Variants in KAT2A observed in about 807,000 individuals in gnomAD.
The protein encoded by KAT2A is lysine acetyltransferase 2A.
In KAT2A, 42 loss-of-function variants were observed where a neutral mutation model predicts 95.2. The observed-to-expected ratio is 0.44, with a 90% CI of 0.34 to 0.57. The LOEUF is 0.57. Ranked by LOEUF, KAT2A falls within the 20% of genes least tolerant of loss-of-function variation. KAT2A has a pLI of 0.01. For synonymous variants in KAT2A, 449 were observed against 448.2 expected (o/e 1.00, Z -0.02); for missense variants, 784 against 1,126.3 (o/e 0.70, Z 4.35).
chr17:42,118,942 A>G, intron 6 of KAT2A: 1 of 951,916 alleles, frequency 1.1e-6, no homozygotes, highest in Non-Finnish European at 1.4e-6. Context: ...TTTCTTGGAG[A>G]GTTGTGCAGG....
chr17:42,115,450 C>G (rs1248597478), intron 12 of KAT2A, among the ~76,000 whole-genome samples: 3 of 142,048 alleles, frequency 2.1e-5, no homozygotes, highest in Admixed American at 7.0e-5. Flanking sequence ...GTGCCCCCCC[C>G]AGTTCCTCCG....
Position 42,119,113 on chromosome 17 carries a change from TAGACGCCC to T in KAT2A, c.1073+124_1073+131del, listed in dbSNP as rs1314779709. On this transcript the variant is annotated intron_variant, in intron 6 of 17. Coordinates refer to ENST00000225916, the MANE Select transcript of KAT2A (RefSeq NM_021078.3). The surrounding 1 kb of genome is among the most constrained non-coding windows in gnomAD (Gnocchi z 5.3). ...CTGGGCCATGGGCAAGTCTGCCAGGTAGACGCCCAGATCCCAAAAGGCCCATGGAGGGA... is the reference window on the plus strand; with the variant it reads ...CTGGGCCATGGGCAAGTCTGCCAGGTAGATCCCAAAAGGCCCATGGAGGGA... 8 of 1,500,698 alleles carry T rather than the reference TAGACGCCC, an allele frequency of 5.3e-6. No individual in the cohort carries two copies. The highest frequency in any genetic ancestry group is 6.2e-6 in the Non-Finnish European group (7 of 1,126,502). 93.0% of individuals were successfully genotyped at this position (1,500,698 alleles called of 1,614,324 possible).
chr17:42,115,891 G>C (rs1555665894), intron 11 of KAT2A, 58 bp from the exon 12 acceptor site: 2 of 962,662 alleles, frequency 2.1e-6, no homozygotes, highest in African/African-American at 1.6e-5. Flanking sequence ...GTGCTGGAGA[G>C]GTCTCAGAGA....
In KAT2A at chr17:42,117,193, G is replaced by C. The variant is rs781810522; in HGVS notation, c.1638-32C>G. On this transcript the variant is annotated intron_variant, in intron 10 of 17. Coordinates refer to ENST00000225916, the MANE Select transcript of KAT2A (RefSeq NM_021078.3). The surrounding 1 kb of genome is among the most constrained non-coding windows in gnomAD (Gnocchi z 8.9). Reference sequence around the variant, plus strand: ...GAGAGGGGGGCATGTCATAGCCCCTGACTGTCCCCTTCAGGTCCCCAGAGC... The same window carrying C: ...GAGAGGGGGGCATGTCATAGCCCCTCACTGTCCCCTTCAGGTCCCCAGAGC... 3 of 1,612,156 alleles carry C rather than the reference G, an allele frequency of 1.9e-6. No individual in the cohort carries two copies. Among genetic ancestry groups the C allele is most frequent in the South Asian group, 2.2e-5 (2 of 90,974 alleles).
chr17:42,118,926 G>T, intron 6 of KAT2A: 1 of 800,368 alleles, frequency 1.2e-6, no homozygotes, highest in South Asian at 4.1e-5. Flanking sequence ...CAAGCTTAAG[G>T]TCTGGTTTCT....
At chr17:42,118,937 T>G in intron 6 of KAT2A, 7 of 918,004 alleles carry the variant, frequency 7.6e-6, no homozygotes, top group Non-Finnish European at 9.9e-6. Context: ...TCTGGTTTCT[T>G]GGAGAGTTGT....
chr17:42,118,022 G>GTA lies in KAT2A; in HGVS notation c.1181-6_1181-5insTA. 6.9e-7 allele frequency: 1 copy of GTA among 1,459,770 alleles called. No homozygotes were observed. The highest frequency in any genetic ancestry group is 9.3e-7 in the Non-Finnish European group (1 of 1,076,844). 90.4% of individuals were successfully genotyped at this position (1,459,770 alleles called of 1,614,324 possible). ...CAACCGCTGCACTGACTGAAGCTGA[G>GTA]GAGAGAGAGAGACGTCAGGGATGGG... is the stretch of plus-strand genomic sequence containing the variant. On this transcript the variant is annotated splice_region_variant and splice_polypyrimidine_tract_variant and intron_variant, in intron 7 of 17. Coordinates refer to ENST00000225916, the MANE Select transcript of KAT2A (RefSeq NM_021078.3).
rs541331809 is a variant in KAT2A, at chr17:42,113,537, G to C, written c.*112C>G. 9.7e-7 allele frequency: 1 copy of C among 1,036,016 alleles called. No individual in the cohort carries two copies. The highest frequency in any genetic ancestry group is 1.5e-5 in the South Asian group (1 of 67,094). The allele number at this position is 1,036,016 out of a possible 1,614,324, so 64.2% of individuals were successfully genotyped here. ...CAGGATCGGGTCCGGAGGACCCTTGGCTGGAGTGTCTCAAGCTGAGTCGGG... is the reference window on the plus strand; with the variant it reads ...CAGGATCGGGTCCGGAGGACCCTTGCCTGGAGTGTCTCAAGCTGAGTCGGG... On this transcript the variant is annotated 3_prime_UTR_variant, in exon 18 of 18. Transcript: ENST00000225916.
In KAT2A at chr17:42,121,035, C is replaced by A; in HGVS notation, c.270G>T (p.Arg90Ser). 1 of 1,592,790 alleles carries A rather than the reference C, an allele frequency of 6.3e-7. No homozygotes were observed. Among genetic ancestry groups the A allele is most frequent in the Non-Finnish European group, 8.5e-7 (1 of 1,171,506 alleles). Residue 90 changes from arginine (R) to serine (S), a missense_variant, in exon 1 of 18, where the codon AGG (arginine) becomes AGT (serine). By Grantham distance (110) the Arg-to-Ser change is moderately radical. Coordinates refer to ENST00000225916, the MANE Select transcript of KAT2A (RefSeq NM_021078.3). ...GLSQQQRASQ[R>S]KAQVRGLPRA... ...GCGGCAGCCCCCGGACTTGCGCCTT[C>A]CTCTGACTGGCGCGCTGCTGCTGGC...
Position 42,113,698 on chromosome 17 carries a change from T to C in KAT2A, c.2465A>G (p.Glu822Gly). The change falls in exon 18 of 18, where the codon GAG becomes GGG. Residue 822 changes from glutamate to glycine, a missense_variant. Around this residue, in one of 6 missense-constraint regions of KAT2A, gnomAD observed 195 missense variants for 247.1 expected, o/e 0.79. Transcript: ENST00000225916. Reference sequence around the variant, plus strand: ...CTTGAGCTTGAAGTAGAAGAACTTCTCCAGGGCGCTGGCACAGCGGCAGTA... The same window carrying C: ...CTTGAGCTTGAAGTAGAAGAACTTCCCCAGGGCGCTGGCACAGCGGCAGTA... Reference protein sequence around the residue: ...SEYCRCASALEKFFYFKLKEG... With the variant: ...SEYCRCASALGKFFYFKLKEG... 1 of 1,611,410 alleles carries C rather than the reference T, an allele frequency of 6.2e-7. No individual in the cohort carries two copies. The highest frequency in any genetic ancestry group is 8.5e-7 in the Non-Finnish European group (1 of 1,179,166).
chr17:42,121,201 G>T lies in KAT2A; in HGVS notation c.104C>A (p.Ala35Asp). The change falls in exon 1 of 18, where the codon GCT becomes GAT. Residue 35 changes from alanine to aspartate, a missense_variant. Transcript: ENST00000225916. ...GGTGGGAGTCGGAATCGGGGCTGAA[G>T]CCGGGCTGGGTGCAGGAGTCGGAGT... ...APTPTPAPSP[A>D]SAPIPTPTPA... 1 of 1,360,640 alleles carries T rather than the reference G, an allele frequency of 7.3e-7. No individual in the cohort carries two copies. Among genetic ancestry groups the T allele is most frequent in the Non-Finnish European group, 9.8e-7 (1 of 1,024,262 alleles). The allele number at this position is 1,360,640 out of a possible 1,614,324, so 84.3% of individuals were successfully genotyped here. A position where few individuals can be genotyped will look rare whatever the true frequency, so the allele number is the denominator to read the frequency against.
rs782183686 is a variant in KAT2A at position 42,115,040 on chromosome 17, G to T, written c.1876-5C>A. On this transcript the variant is annotated splice_region_variant and splice_polypyrimidine_tract_variant and intron_variant, in intron 12 of 17. Transcript: ENST00000225916. ...CTTGATGTCCTTGGAGAAACCCTGGGGGGTGGATGGTCATGACCCAGTCCA... is the reference window on the plus strand; with the variant it reads ...CTTGATGTCCTTGGAGAAACCCTGGTGGGTGGATGGTCATGACCCAGTCCA... 10 of 1,613,196 alleles carry T rather than the reference G, an allele frequency of 6.2e-6. No homozygotes were observed. In the African/African-American group the frequency reaches 8.0e-5, roughly 13 times the overall value.
intron 6 of KAT2A, among the ~76,000 whole-genome samples, chr17:42,118,647 G>A (rs2054295554): frequency 6.6e-6 from 1 of 152,136 alleles, no homozygotes; most frequent in Non-Finnish European, 1.5e-5. Context: ...AGACAGGTCT[G>A]AGCTGATGTC....
In KAT2A at chr17:42,113,661, G is replaced by A. The variant is rs1555665126; in HGVS notation, c.2502C>T (p.Leu834=). The change falls in exon 18 of 18, where the codon CTC becomes CTT. Residue 834 remains leucine, a synonymous_variant. Coordinates refer to ENST00000225916, the MANE Select transcript of KAT2A (RefSeq NM_021078.3). Reference sequence around the variant, plus strand: ...CCCAAAGATGGGCCTACTTGTCAATGAGGCCTCCCTCCTTGAGCTTGAAGT... The same window carrying A: ...CCCAAAGATGGGCCTACTTGTCAATAAGGCCTCCCTCCTTGAGCTTGAAGT... ...FFYFKLKEGG[L]IDK The A allele has an allele frequency of 1.2e-6, 2 of 1,608,252 alleles. No individual in the cohort carries two copies. The highest frequency in any genetic ancestry group is 1.1e-5 in the South Asian group (1 of 90,578).
intron 11 of KAT2A, among the ~76,000 whole-genome samples, chr17:42,116,487 G>A (rs2144034116): frequency 6.6e-6 from 1 of 152,356 alleles, no homozygotes; most frequent in South Asian, 2.1e-4. Flanking sequence ...GGAGGCCGAG[G>A]TGGGTGAATC....
At chr17:42,116,561 C>G (rs1241098296) in intron 11 of KAT2A, among the ~76,000 whole-genome samples, 1 of 152,052 alleles carries the variant, frequency 6.6e-6, no homozygotes, top group Non-Finnish European at 1.5e-5. Flanking sequence ...AACCCTGTCT[C>G]TACTAAAATA....
chr17:42,113,426 GC>G lies in KAT2A; in HGVS notation c.*222del. 2.1e-6 allele frequency: 1 copy of G among 469,812 alleles called. No homozygotes were observed. The highest frequency in any genetic ancestry group is 3.7e-6 in the Non-Finnish European group (1 of 268,190). The allele number at this position is 469,812 out of a possible 1,614,324, so 29.1% of individuals were successfully genotyped here. ...CCACCAGCTACTCTAGAGGGGCTGG[GC>G]CCCAACCCAGGAGACCTCTCACACA... On this transcript the variant is annotated 3_prime_UTR_variant, in exon 18 of 18. Transcript: ENST00000225916.
At chr17:42,120,576 C>CA in intron 2 of KAT2A, 130 bp downstream of exon 2, 1 of 1,135,442 alleles carries the variant, frequency 8.8e-7, no homozygotes. Context: ...TGGTGCACAC[C>CA]CCCCCCCAAC....
At position 42,114,299 on chromosome 17, in the gene KAT2A, C is replaced by T. The variant is rs2054220353; in HGVS notation, c.2172-17G>A. The T allele has an allele frequency of 6.2e-7, 1 of 1,613,114 alleles. No individual in the cohort carries two copies. Among genetic ancestry groups the T allele is most frequent in the East Asian group, 2.2e-5 (1 of 44,846 alleles). On this transcript the variant is annotated splice_polypyrimidine_tract_variant and intron_variant, in intron 15 of 17. Coordinates refer to ENST00000225916, the MANE Select transcript of KAT2A (RefSeq NM_021078.3). The surrounding 1 kb of genome is among the most constrained non-coding windows in gnomAD (Gnocchi z 6.0). ...AGCTCCTTCCTGGGGCGAGAGACAC[C>T]AAGTCTGAGGCTCCAAGTCCCTCTG...
Sources: allele counts gnomAD v4.1 joint callset (sites outside exome capture counted in the v4.1 genomes callset), GRCh38; gene constraint gnomAD v4.1.1; regional missense constraint gnomAD v4.1.1; non-coding constraint Gnocchi (gnomAD v3.1); transcripts MANE v1.5; gene names NCBI Gene and HGNC (gene_info 2026-07-23, HGNC 2026-07-21).